Variants in ZBTB16 observed in about 807,000 individuals in gnomAD.
The protein encoded by ZBTB16 is zinc finger and BTB domain containing 16.
In ZBTB16, 8 loss-of-function variants were observed where a neutral mutation model predicts 56.8. The observed-to-expected ratio is 0.14, with a 90% CI of 0.08 to 0.25. ZBTB16 has a LOEUF of 0.25. Among genes scored for constraint, ZBTB16 ranks in the 10% least tolerant of loss-of-function variants. ZBTB16 has a pLI of 1.00. For missense variants in ZBTB16, 625 were observed against 903.0 expected (o/e 0.69, Z 3.95); for synonymous variants, 363 against 368.5 (o/e 0.98, Z 0.17).
chr11:114,060,973 C>G lies in ZBTB16; in HGVS notation c.-91+1091C>G, dbSNP rs866175570. ...CGCGGGGCGGGTCCGCCTCCCCTGC[C>G]GCTCTCGCCGCGGAGTCCAGCCCGC... On this transcript the variant is annotated intron_variant, in intron 1 of 6. Transcript: ENST00000335953. This position sits in a 1 kb window ranked among gnomAD's most constrained non-coding sequence, Gnocchi z 6.0. Among the ~76,000 whole-genome samples the G allele has an allele frequency of 3.9e-5, 6 of 152,268 alleles. No individual in the cohort carries two copies. Among genetic ancestry groups the G allele is most frequent in the Non-Finnish European group, 8.8e-5 (6 of 67,998 alleles).
At chr11:114,162,159 C>T (rs985401922) in intron 3 of ZBTB16, among the ~76,000 whole-genome samples, 1 of 152,240 alleles carries the variant, frequency 6.6e-6, no homozygotes, top group African/African-American at 2.4e-5. Context: ...GGACCTGGGT[C>T]ATCCTCCTGG....
chr11:114,138,365 A>C (rs188988041), intron 2 of ZBTB16, among the ~76,000 whole-genome samples: 1 of 152,280 alleles, frequency 6.6e-6, no homozygotes, highest in Admixed American at 6.5e-5. Context: ...CTTCACGGAG[A>C]GAAGAGGTTA....
intron 5 of ZBTB16, among the ~76,000 whole-genome samples, chr11:114,246,041 G>A (rs539755396): frequency 6.6e-6 from 1 of 152,238 alleles, no homozygotes; most frequent in Admixed American, 6.5e-5. Flanking sequence ...GATATGAAAG[G>A]CAAGATGGTT....
intron 2 of ZBTB16, among the ~76,000 whole-genome samples, chr11:114,132,906 G>GTGTATT (rs1171457444): frequency 8.5e-5 from 13 of 152,076 alleles, no homozygotes; most frequent in African/African-American, 3.1e-4. Context: ...TGAGATAGAA[G>GTGTATT]TGTATTTATA....
intron 2 of ZBTB16, among the ~76,000 whole-genome samples, chr11:114,093,823 T>C (rs1940281780): frequency 6.6e-6 from 1 of 152,172 alleles, no homozygotes; most frequent in Non-Finnish European, 1.5e-5. Context: ...TTCTAGATAG[T>C]TTCTAAAAAA....
chr11:114,095,530 G>T lies in ZBTB16; in HGVS notation c.1268+30962G>T, dbSNP rs548393371. 3.9e-5 allele frequency among the ~76,000 whole-genome samples: 6 copies of T among 152,242 alleles called. No homozygotes were observed. In the East Asian group the frequency reaches 1.2e-3, roughly 29 times the overall value. ...CCGCCTTGGCCTCCCACAGTGCTGG[G>T]ATTACAGGCGTGAGCCACCACGCCC... On this transcript the variant is annotated intron_variant, in intron 2 of 6. Transcript: ENST00000335953.
chr11:114,208,390 C>G (rs1475793520), intron 4 of ZBTB16, among the ~76,000 whole-genome samples: 2 of 152,286 alleles, frequency 1.3e-5, no homozygotes, highest in Non-Finnish European at 2.9e-5. Context: ...GGAAGAGTCA[C>G]TCATCCTTTG....
chr11:114,076,654 G>A (rs1249660421), intron 2 of ZBTB16, among the ~76,000 whole-genome samples: 3 of 141,178 alleles, frequency 2.1e-5, no homozygotes, highest in African/African-American at 8.1e-5. Flanking sequence ...TTGGCAGAAG[G>A]GATAAAGATG....
chr11:114,088,543 C>T (rs528306627), intron 2 of ZBTB16, among the ~76,000 whole-genome samples: 17 of 152,160 alleles, frequency 1.1e-4, no homozygotes, highest in African/African-American at 1.7e-4. Flanking sequence ...AGCCCCGCTT[C>T]GTCCACTGCT....
At chr11:114,096,749 G>A (rs753832355) in intron 2 of ZBTB16, among the ~76,000 whole-genome samples, 4 of 152,186 alleles carry the variant, frequency 2.6e-5, no homozygotes, top group Non-Finnish European at 4.4e-5. Flanking sequence ...GCACTTTTGC[G>A]ACTGTGTACC....
At position 114,060,774 on chromosome 11, in the gene ZBTB16, T is replaced by C. The variant is rs1329218973; in HGVS notation, c.-91+892T>C. ...CTCGCTCGCCGCCTCCCCGAGACGC[T>C]CGCACCGTGCTTGGGCCGGGCGCGC... On this transcript the variant is annotated intron_variant, in intron 1 of 6. Transcript: ENST00000335953. This position sits in a 1 kb window ranked among gnomAD's most constrained non-coding sequence, Gnocchi z 6.0. Among the ~76,000 whole-genome samples the C allele has an allele frequency of 1.3e-5, 2 of 151,540 alleles. No individual in the cohort carries two copies. The highest frequency in any genetic ancestry group is 2.4e-5 in the African/African-American group (1 of 41,176).
intron 2 of ZBTB16, among the ~76,000 whole-genome samples, chr11:114,077,098 G>A (rs1005971183): frequency 6.6e-6 from 1 of 152,172 alleles, no homozygotes; most frequent in Non-Finnish European, 1.5e-5. Context: ...ATATGGCCGA[G>A]GGTTTTGTGT....
intron 2 of ZBTB16, among the ~76,000 whole-genome samples, chr11:114,136,969 A>G (rs1288141393): frequency 6.6e-6 from 1 of 152,108 alleles, no homozygotes; most frequent in Non-Finnish European, 1.5e-5. Flanking sequence ...CCCAGGTTCT[A>G]TATAGCATTT....
chr11:114,068,388 G>A (rs1445823639), intron 2 of ZBTB16, among the ~76,000 whole-genome samples: 1 of 152,160 alleles, frequency 6.6e-6, no homozygotes, highest in East Asian at 1.9e-4. Context: ...GTAAGCTGTT[G>A]GCTCAACAGA....
intron 4 of ZBTB16, among the ~76,000 whole-genome samples, chr11:114,235,769 G>GTTCC (rs566992538): frequency 2.6e-5 from 2 of 76,686 alleles, no homozygotes; most frequent in Non-Finnish European, 5.4e-5. Flanking sequence ...TCCTTCCTTC[G>GTTCC]TTCCTTCCTT....
chr11:114,241,808 TC>T (rs1304350063), intron 4 of ZBTB16, among the ~76,000 whole-genome samples: 2 of 152,288 alleles, frequency 1.3e-5, no homozygotes, highest in East Asian at 3.9e-4. Flanking sequence ...CTACCTTGCC[TC>T]CCCCACTTTT....
At chr11:114,219,605 G>C (rs1342314709) in intron 4 of ZBTB16, among the ~76,000 whole-genome samples, 26 of 152,010 alleles carry the variant, frequency 1.7e-4, no homozygotes, top group Admixed American at 1.7e-3. Flanking sequence ...GGCTGTGAGG[G>C]AGATAAAAGT....
chr11:114,209,088 C>T (rs1943946874), intron 4 of ZBTB16, among the ~76,000 whole-genome samples: 1 of 152,120 alleles, frequency 6.6e-6, no homozygotes, highest in South Asian at 2.1e-4. Flanking sequence ...ATAACTTGCC[C>T]CCAGGAGACA....
In ZBTB16 at chr11:114,063,507, C is replaced by T. The variant is rs201372671; in HGVS notation, c.207C>T (p.His69=). The change falls in exon 2 of 7, where the codon CAC becomes CAT. Residue 69 remains histidine, a synonymous_variant. Transcript: ENST00000335953. This position sits in a 1 kb window ranked among gnomAD's most constrained non-coding sequence, Gnocchi z 6.5. ...FEILFHRNSQ[H]YTLDFLSPKT... is the part of the protein sequence containing the mutation. ...TCCTCTTCCACCGCAATAGTCAACA[C>T]TATACTTTGGACTTCCTCTCGCCAA... 5.0e-5 allele frequency: 80 copies of T among 1,614,238 alleles called. No homozygotes were observed. Among genetic ancestry groups the T allele is most frequent in the Admixed American group, 3.5e-4 (21 of 60,028 alleles).
Sources: gnomAD v4.1 joint callset for allele counts (sites outside exome capture counted in the v4.1 genomes callset) on GRCh38, gnomAD v4.1.1 for gene constraint, Gnocchi (gnomAD v3.1) non-coding constraint, MANE v1.5 for transcripts, NCBI Gene and HGNC (gene_info 2026-07-23, HGNC 2026-07-21) for gene names.